Variants in IRAK3 observed in about 807,000 individuals in gnomAD.
IRAK3 encodes interleukin 1 receptor associated kinase 3, also known as interleukin-1 receptor-associated kinase 3.
In IRAK3, 57 loss-of-function variants were observed where a neutral mutation model predicts 56.6. The ratio of observed to expected loss-of-function variants is 1.01; its 90% CI spans 0.81 to 1.26. The LOEUF is 1.26. Among genes scored for constraint, IRAK3 ranks in the 50% most tolerant of loss-of-function variants. IRAK3 has a pLI of 0.00. For missense variants in IRAK3, 703 were observed against 719.0 expected (o/e 0.98, Z 0.25); for synonymous variants, 258 against 255.7 (o/e 1.01, Z -0.09).
rs1296832171 is a variant in IRAK3, at chr12:66,246,629, C to T, written c.1315-1066C>T. Among the ~76,000 whole-genome samples, 3 of 152,212 alleles carry T rather than the reference C, an allele frequency of 2.0e-5. No homozygotes were observed. In the South Asian group the frequency reaches 6.2e-4, roughly 31 times the overall value. Reference sequence around the variant, plus strand: ...CCGGTGTCAAACAGCAGGTCTGTACCTTACTGACTAATGATACTGCTTCCC... The same window carrying T: ...CCGGTGTCAAACAGCAGGTCTGTACTTTACTGACTAATGATACTGCTTCCC... On this transcript the variant is annotated intron_variant, in intron 11 of 11. Transcript: ENST00000261233.
intron 1 of IRAK3, among the ~76,000 whole-genome samples, chr12:66,199,603 C>T (rs947839202): frequency 2.6e-5 from 4 of 152,178 alleles, no homozygotes; most frequent in African/African-American, 7.2e-5. Context: ...TCCAGAAAGC[C>T]TTCCCTGCTG....
intron 10 of IRAK3, 27 bp downstream of exon 10, chr12:66,245,037 T>C: frequency 6.2e-7 from 1 of 1,613,576 alleles, no homozygotes; most frequent in Non-Finnish European, 8.5e-7. Flanking sequence ...TCCTGGCACC[T>C]ATCTCTTGGT....
In IRAK3 at chr12:66,218,921, G is replaced by A. The variant is rs1454269086; in HGVS notation, c.653+1686G>A. Among the ~76,000 whole-genome samples, 3 of 152,228 alleles carry A rather than the reference G, an allele frequency of 2.0e-5. No individual in the cohort carries two copies. In the East Asian group the frequency reaches 5.8e-4, roughly 29 times the overall value. The stretch of plus-strand genomic sequence containing the variant: ...TTCCACATATAAGTGAGATCATGCA[G>A]TATTTGTCTTCTGTGTCTGGCTTAT... On this transcript the variant is annotated intron_variant, in intron 6 of 11. Transcript: ENST00000261233.
At chr12:66,198,031 C>A in intron 1 of IRAK3, 1 of 985,176 alleles carries the variant, frequency 1.0e-6, no homozygotes, top group Non-Finnish European at 1.2e-6. Flanking sequence ...TGTGCCTTTC[C>A]TACTGTGGCA....
At chr12:66,207,822 T>G (rs2052571612) in intron 2 of IRAK3, among the ~76,000 whole-genome samples, 1 of 152,194 alleles carries the variant, frequency 6.6e-6, no homozygotes, top group Non-Finnish European at 1.5e-5. Flanking sequence ...CAGATACTTG[T>G]GAATTTCCCA....
chr12:66,211,404 C>T (rs780714813), intron 4 of IRAK3, 42 bp from the exon 5 acceptor site: 42 of 1,454,318 alleles, frequency 2.9e-5, no homozygotes, highest in Non-Finnish European at 4.0e-5. Flanking sequence ...TGGTGATGTT[C>T]CTTCTTAGCT....
chr12:66,211,544 G>A lies in IRAK3; in HGVS notation c.535G>A (p.Val179Ile). ...AATTGGAGAAGGAGAGATTTTTGAG[G>A]TATACAGAGTGGAGATTCAAAACCT... is the stretch of plus-strand genomic sequence containing the variant. ...FLIGEGEIFEVYRVEIQNLTY... is the reference protein window; with the variant it reads ...FLIGEGEIFEIYRVEIQNLTY... The change falls in exon 5 of 12, where the codon GTA (valine) becomes ATA (isoleucine). Residue 179 changes from valine to isoleucine, a missense_variant. Coordinates refer to ENST00000261233, the MANE Select transcript of IRAK3 (RefSeq NM_007199.3). 2 of 1,611,512 alleles carry A rather than the reference G, an allele frequency of 1.2e-6. No individual in the cohort carries two copies. The highest frequency in any genetic ancestry group is 2.2e-5 in the South Asian group (2 of 91,028).
Position 66,209,536 on chromosome 12 carries a change from A to G in IRAK3, c.381+16A>G. 2 of 1,456,014 alleles carry G rather than the reference A, an allele frequency of 1.4e-6. No individual in the cohort carries two copies. Among genetic ancestry groups the G allele is most frequent in the Non-Finnish European group, 1.9e-6 (2 of 1,036,160 alleles). The allele number at this position is 1,456,014 out of a possible 1,614,324, so 90.2% of individuals were successfully genotyped here. A position where few individuals can be genotyped will look rare whatever the true frequency, so the allele number is the denominator to read the frequency against. On this transcript the variant is annotated intron_variant, in intron 3 of 11. Transcript: ENST00000261233. ...ATTATTCAAGGTAGAGTATGTGTGC[A>G]TAGAAAATGAGCCTTGAACTTTGTT...
rs2136958386 is a variant in IRAK3, at chr12:66,251,226, C to G, written c.*3055C>G. ...TTAACGTTGTGGTAAGCAGATGCCA[C>G]TGTGGCTGGGAAGTACCAAATCTTC... On this transcript the variant is annotated 3_prime_UTR_variant, in exon 12 of 12. Coordinates refer to ENST00000261233, the MANE Select transcript of IRAK3 (RefSeq NM_007199.3). The G allele has an allele frequency of 6.6e-6, 1 of 152,326 alleles. No homozygotes were observed. The highest frequency in any genetic ancestry group is 1.9e-4 in the East Asian group (1 of 5,192). The allele number at this position is 152,326 out of a possible 1,614,324, so 9.4% of individuals were successfully genotyped here.
chr12:66,218,608 A>C (rs1356509224), intron 6 of IRAK3, among the ~76,000 whole-genome samples: 1 of 152,224 alleles, frequency 6.6e-6, no homozygotes, highest in Admixed American at 6.5e-5. Flanking sequence ...AGGTGAAAAT[A>C]GTTTATCAGG....
At chr12:66,247,544 G>A (rs2053047353) in intron 11 of IRAK3, 151 bp from the exon 12 acceptor site, 1 of 633,790 alleles carries the variant, frequency 1.6e-6, no homozygotes, top group Non-Finnish European at 2.8e-6. Context: ...AAGGGCGTTA[G>A]CTAATCTTTA....
At chr12:66,234,248 A>G in intron 8 of IRAK3, 2 of 1,613,542 alleles carry the variant, frequency 1.2e-6, no homozygotes, top group Non-Finnish European at 1.7e-6. Flanking sequence ...GGTGCTGCCT[A>G]GTGACAGATG....
intron 2 of IRAK3, among the ~76,000 whole-genome samples, chr12:66,208,956 AC>A (rs1296296262): frequency 1.3e-5 from 2 of 151,688 alleles, no homozygotes; most frequent in Non-Finnish European, 2.9e-5. Flanking sequence ...AATCCTGGCT[AC>A]TTGGGAGGCT....
intron 11 of IRAK3, among the ~76,000 whole-genome samples, chr12:66,245,510 A>G (rs1378966798): frequency 6.7e-6 from 1 of 149,940 alleles, no homozygotes; most frequent in South Asian, 2.1e-4. Flanking sequence ...AGCAGTTTGC[A>G]GGGAATATTT....
At chr12:66,197,263 C>T in intron 1 of IRAK3, 1 of 1,160,662 alleles carries the variant, frequency 8.6e-7, no homozygotes, top group Non-Finnish European at 1.1e-6. Context: ...CATAATTAGT[C>T]ATTGAGAACT....
intron 1 of IRAK3, chr12:66,197,118 T>C: frequency 1.5e-6 from 2 of 1,305,316 alleles, no homozygotes; most frequent in Non-Finnish European, 1.9e-6. Flanking sequence ...TTAGGTTGAC[T>C]TTTTGGCTTA....
intron 1 of IRAK3, among the ~76,000 whole-genome samples, chr12:66,202,407 C>T (rs1399304087): frequency 6.6e-6 from 1 of 151,976 alleles, no homozygotes; most frequent in East Asian, 1.9e-4. Flanking sequence ...GGGGAAAATA[C>T]AAAATGAGCC....
intron 1 of IRAK3, chr12:66,196,777 G>A (rs1026974986): frequency 3.3e-6 from 4 of 1,201,550 alleles, no homozygotes; most frequent in Non-Finnish European, 4.5e-6. Flanking sequence ...TTACTCTTTT[G>A]GAATTAAAAA....
intron 6 of IRAK3, among the ~76,000 whole-genome samples, chr12:66,221,061 T>C (rs61209657): frequency 0.07 from 10,675 of 152,242 alleles, 1,031 homozygotes; most frequent in African/African-American, 0.22. Flanking sequence ...TGTCCTATAG[T>C]TGTTAACGCA....
Sources: gnomAD v4.1 joint callset for allele counts (sites outside exome capture counted in the v4.1 genomes callset) on GRCh38, gnomAD v4.1.1 for gene constraint, MANE v1.5 for transcripts, NCBI Gene and HGNC (gene_info 2026-07-23, HGNC 2026-07-21) for gene names.